Variants in ENPP2 observed in about 807,000 individuals in gnomAD.
The protein encoded by ENPP2 is autotaxin.
A neutral mutation model predicts 120.2 loss-of-function variants in ENPP2; 51 were observed. The ratio of observed to expected loss-of-function variants is 0.42; its 90% CI spans 0.34 to 0.54. The LOEUF (loss-of-function observed/expected upper bound fraction) is 0.54, where lower values mean the gene tolerates loss of function less well. ENPP2 is among the 20% of genes least tolerant of loss of function. The pLI, the probability that ENPP2 is intolerant of heterozygous loss-of-function variation, is 0.04. For missense variants in ENPP2, 920 were observed against 1,066.5 expected (o/e 0.86, Z 1.91); for synonymous variants, 365 against 366.4 (o/e 1.00, Z 0.04).
intron 1 of ENPP2, among the ~76,000 whole-genome samples, chr8:119,654,636 T>C (rs1416727580): frequency 6.6e-6 from 1 of 151,744 alleles, no homozygotes; most frequent in Non-Finnish European, 1.5e-5. Flanking sequence ...TGAGCCACCA[T>C]ACCCAGGCTC....
At chr8:119,662,503 G>A (rs943681164) in intron 1 of ENPP2, among the ~76,000 whole-genome samples, 1 of 152,146 alleles carries the variant, frequency 6.6e-6, no homozygotes, top group African/African-American at 2.4e-5. Flanking sequence ...CTTTAGGGGT[G>A]GGGCTCAGCA....
At chr8:119,657,779 A>C (rs991072871) in intron 1 of ENPP2, among the ~76,000 whole-genome samples, 1 of 152,204 alleles carries the variant, frequency 6.6e-6, no homozygotes, top group African/African-American at 2.4e-5. Flanking sequence ...CATTTCAATG[A>C]GAGCTGTCAT....
chr8:119,577,053 T>C (rs1368990151), intron 19 of ENPP2, among the ~76,000 whole-genome samples: 1 of 152,226 alleles, frequency 6.6e-6, no homozygotes, highest in Non-Finnish European at 1.5e-5. Context: ...CAGCTTTTAC[T>C]CATGTATTTT....
In ENPP2 at chr8:119,607,997, C is replaced by T. The variant is rs375932484; in HGVS notation, c.778-20G>A. 1.1e-5 allele frequency: 17 copies of T among 1,579,526 alleles called. No homozygotes were observed. The highest frequency in any genetic ancestry group is 8.1e-5 in the African/African-American group (6 of 73,628). On this transcript the variant is annotated intron_variant, in intron 8 of 24. Transcript: ENST00000075322. ...CCATAGCTAATGAGGAAAATATAAG[C>T]GGCTTAAAATGTGTTCTGTGTTTTT...
intron 1 of ENPP2, among the ~76,000 whole-genome samples, chr8:119,664,058 A>G (rs1342436310): frequency 6.6e-6 from 1 of 152,202 alleles, no homozygotes; most frequent in Non-Finnish European, 1.5e-5. Flanking sequence ...ATTCCTGGTA[A>G]ATATTTGATA....
chr8:119,605,582 T>G (rs1814661956), intron 9 of ENPP2, among the ~76,000 whole-genome samples: 1 of 151,398 alleles, frequency 6.6e-6, no homozygotes, highest in East Asian at 1.9e-4. Context: ...TGCCTCAGCC[T>G]CCCAGGTAGC....
intron 1 of ENPP2, chr8:119,673,215 G>A (rs1818305172): frequency 6.6e-7 from 1 of 1,506,736 alleles, no homozygotes; most frequent in East Asian, 2.5e-5. Flanking sequence ...GGGAGCCCAA[G>A]CAATGGAGGA....
intron 15 of ENPP2, among the ~76,000 whole-genome samples, chr8:119,585,969 CTG>C (rs1813081375): frequency 6.6e-6 from 1 of 150,810 alleles, no homozygotes; most frequent in Non-Finnish European, 1.5e-5. Flanking sequence ...CACAGATGCA[CTG>C]ACAGACTGCA....
intron 8 of ENPP2, among the ~76,000 whole-genome samples, chr8:119,614,906 A>G (rs1459778973): frequency 6.6e-6 from 1 of 152,186 alleles, no homozygotes; most frequent in South Asian, 2.1e-4. Flanking sequence ...CTGAATAAAG[A>G]CAGCAGAATC....
chr8:119,578,549 A>C (rs1289447356), intron 19 of ENPP2: 1 of 152,222 alleles, frequency 6.6e-6, no homozygotes, highest in Non-Finnish European at 1.5e-5. Context: ...TTTAGAAGAG[A>C]AGCATCTGAG....
In ENPP2 at chr8:119,617,150, G is replaced by GGAAA. The variant is rs777918708; in HGVS notation, c.657+13_657+14insTTTC. 12 of 1,565,170 alleles carry GGAAA rather than the reference G, an allele frequency of 7.7e-6. No homozygotes were observed. The highest frequency in any genetic ancestry group is 1.1e-5 in the Non-Finnish European group (12 of 1,135,808). The stretch of plus-strand genomic sequence containing the variant: ...TCAGCCCTTTGAATGTGTATCATTC[G>GGAAA]AAAAAATACTTACAGTGGCCAAAGT... On this transcript the variant is annotated intron_variant, in intron 7 of 24. Transcript: ENST00000075322.
chr8:119,649,401 C>CA (rs755896948), intron 1 of ENPP2, among the ~76,000 whole-genome samples: 242 of 76,102 alleles, frequency 3.2e-3, no homozygotes, highest in South Asian at 6.5e-3. Context: ...GACTCCATCT[C>CA]AAAAAAAAAA....
intron 1 of ENPP2, among the ~76,000 whole-genome samples, chr8:119,665,892 T>G (rs1207236485): frequency 6.6e-6 from 1 of 152,180 alleles, no homozygotes; most frequent in African/African-American, 2.4e-5. Context: ...AATGTTTGTC[T>G]TGGGAGTTGG....
At chr8:119,573,952 A>G (rs1053079121) in intron 19 of ENPP2, among the ~76,000 whole-genome samples, 5 of 151,434 alleles carry the variant, frequency 3.3e-5, no homozygotes, top group Non-Finnish European at 5.9e-5. Flanking sequence ...AAAATAGCAT[A>G]ATAAGGGGAA....
chr8:119,598,248 T>G (rs1327551104), intron 11 of ENPP2, among the ~76,000 whole-genome samples: 2 of 152,190 alleles, frequency 1.3e-5, no homozygotes, highest in Non-Finnish European at 2.9e-5. Flanking sequence ...ATCCTTTGCC[T>G]TATGAGAAGA....
At chr8:119,666,843 A>G (rs1232137846) in intron 1 of ENPP2, among the ~76,000 whole-genome samples, 1 of 152,112 alleles carries the variant, frequency 6.6e-6, no homozygotes, top group Non-Finnish European at 1.5e-5. Flanking sequence ...ATGAAAAGGT[A>G]TATTTTCCAG....
chr8:119,599,976 C>A (rs1409468416), intron 11 of ENPP2, among the ~76,000 whole-genome samples: 1 of 145,992 alleles, frequency 6.8e-6, no homozygotes, highest in Non-Finnish European at 1.5e-5. Context: ...CACTGCACTC[C>A]AGCCTAGGTG....
At chr8:119,648,141 G>A (rs1430810899) in intron 1 of ENPP2, among the ~76,000 whole-genome samples, 1 of 152,192 alleles carries the variant, frequency 6.6e-6, no homozygotes. Flanking sequence ...GGGTTGATAT[G>A]AAGACCAAAT....
At chr8:119,610,978 C>G (rs1451544886) in intron 8 of ENPP2, among the ~76,000 whole-genome samples, 1 of 151,874 alleles carries the variant, frequency 6.6e-6, no homozygotes, top group Non-Finnish European at 1.5e-5. Context: ...CCCTCTAATC[C>G]CAAAACTCCC....
Sources: gnomAD v4.1 joint callset for allele counts (sites outside exome capture counted in the v4.1 genomes callset) on GRCh38, gnomAD v4.1.1 for gene constraint, MANE v1.5 for transcripts, NCBI Gene and HGNC (gene_info 2026-07-23, HGNC 2026-07-21) for gene names.